Variants in GALNT14 observed in about 807,000 individuals in gnomAD.
GALNT14 encodes the protein UDP-GalNAc:polypeptide N-acetylgalactosaminyltransferase 14.
A neutral mutation model predicts 77.5 loss-of-function variants in GALNT14; 60 were observed. The observed-to-expected ratio is 0.77, with a 90% CI of 0.63 to 0.96. The LOEUF is 0.96. Among genes scored for constraint, GALNT14 ranks in the 40% least tolerant of loss-of-function variants. The pLI, the probability that GALNT14 is intolerant of heterozygous loss-of-function variation, is 0.00. For missense variants in GALNT14, 710 were observed against 731.0 expected, an observed-to-expected ratio of 0.97 and a Z score of 0.33; for synonymous variants, 280 against 281.7, an observed-to-expected ratio of 0.99 and a Z score of 0.06.
chr2:30,894,575 A>G, the GALNT14 span, among the ~76,000 whole-genome samples: 4 of 152,198 alleles, frequency 2.6e-5, no homozygotes, highest in African/African-American at 9.7e-5. Context: ...CTTGTTTTAT[A>G]ATGGAGAATT....
chr2:30,891,802 A>G, the GALNT14 span, among the ~76,000 whole-genome samples: 1 of 152,108 alleles, frequency 6.6e-6, no homozygotes, highest in East Asian at 1.9e-4. Flanking sequence ...ATGAGGGTAG[A>G]GCACAGTGAG....
At chr2:31,043,626 C>G (rs941364823) in intron 1 of GALNT14, among the ~76,000 whole-genome samples, 4 of 151,818 alleles carry the variant, frequency 2.6e-5, no homozygotes, top group African/African-American at 9.7e-5. Context: ...TCTCTAGGAT[C>G]CTCCATATTA....
chr2:31,021,851 T>A (rs934584626), intron 1 of GALNT14, among the ~76,000 whole-genome samples: 1 of 152,220 alleles, frequency 6.6e-6, no homozygotes, highest in Admixed American at 6.5e-5. Flanking sequence ...AAGTTAAACA[T>A]GCATTCTGTC....
intron 1 of GALNT14, among the ~76,000 whole-genome samples, chr2:31,088,390 C>T (rs866988314): frequency 3.5e-4 from 54 of 152,124 alleles, no homozygotes; most frequent in Non-Finnish European, 3.5e-4. Flanking sequence ...TTAAGTTTGG[C>T]CAATGGGATG....
intron 1 of GALNT14, among the ~76,000 whole-genome samples, chr2:31,107,028 T>C (rs1319750546): frequency 6.6e-6 from 1 of 152,212 alleles, no homozygotes; most frequent in Admixed American, 6.5e-5. Context: ...TACACAAAAG[T>C]TTATCAAACT....
chr2:30,959,762 A>T (rs556164350), intron 3 of GALNT14, among the ~76,000 whole-genome samples: 2 of 152,148 alleles, frequency 1.3e-5, no homozygotes, highest in African/African-American at 4.8e-5. Context: ...GTGGATCTCT[A>T]TCCAGGGGCA....
intron 1 of GALNT14, among the ~76,000 whole-genome samples, chr2:31,077,545 C>A (rs999441256): frequency 6.6e-6 from 1 of 152,172 alleles, no homozygotes; most frequent in Non-Finnish European, 1.5e-5. Flanking sequence ...CTAGTCTCAT[C>A]TGATAAGTCT....
At chr2:31,070,781 T>C (rs1200570474) in intron 1 of GALNT14, among the ~76,000 whole-genome samples, 2 of 152,170 alleles carry the variant, frequency 1.3e-5, no homozygotes, top group Non-Finnish European at 2.9e-5. Flanking sequence ...AATTGCAAAC[T>C]GGAAAATTTG....
At chr2:30,985,322 C>A (rs1669230488) in intron 2 of GALNT14, among the ~76,000 whole-genome samples, 1 of 152,166 alleles carries the variant, frequency 6.6e-6, no homozygotes, top group South Asian at 2.1e-4. Context: ...TTCGGGAAAT[C>A]TCCCTGAAAC....
chr2:30,969,751 C>A (rs1280242396), intron 2 of GALNT14, among the ~76,000 whole-genome samples: 1 of 152,160 alleles, frequency 6.6e-6, no homozygotes, highest in Non-Finnish European at 1.5e-5. Context: ...ATACCACTGA[C>A]CAGCTGTGGG....
intron 6 of GALNT14, among the ~76,000 whole-genome samples, chr2:30,955,409 C>T (rs1371528303): frequency 6.6e-6 from 1 of 152,198 alleles, no homozygotes; most frequent in Non-Finnish European, 1.5e-5. Flanking sequence ...AGTCACAACA[C>T]ATCCCGGTCC....
intron 1 of GALNT14, among the ~76,000 whole-genome samples, chr2:31,107,834 G>T (rs187634300): frequency 4.6e-5 from 7 of 152,274 alleles, no homozygotes; most frequent in African/African-American, 1.4e-4. Flanking sequence ...TGGTGCTGAT[G>T]ATTTCACCTC....
At chr2:30,945,938 T>C (rs1050517839) in intron 6 of GALNT14, 68 bp from the exon 7 acceptor site, 5 of 1,345,710 alleles carry the variant, frequency 3.7e-6, no homozygotes, top group African/African-American at 1.4e-5. Context: ...GAGCTTGGGA[T>C]GGCCTCGTGA....
chr2:31,076,280 C>T (rs535532408), intron 1 of GALNT14, among the ~76,000 whole-genome samples: 20 of 152,308 alleles, frequency 1.3e-4, no homozygotes, highest in Middle Eastern at 3.4e-3. Flanking sequence ...GACTCATATT[C>T]TCTGTACGAA....
chr2:30,904,673 A>C, the GALNT14 span, among the ~76,000 whole-genome samples: 11 of 152,242 alleles, frequency 7.2e-5, no homozygotes, highest in Middle Eastern at 3.2e-3. Flanking sequence ...TAGGTAAACA[A>C]AGCAGCCAGG....
In GALNT14 at chr2:31,088,244, G is replaced by A. The variant is rs373887410; in HGVS notation, c.129+49714C>T. 1.2e-4 allele frequency among the ~76,000 whole-genome samples: 18 copies of A among 152,284 alleles called. No individual in the cohort carries two copies. In the East Asian group the frequency reaches 2.9e-3, roughly 24 times the overall value. On this transcript the variant is annotated intron_variant, in intron 1 of 14. Transcript: ENST00000349752. ...ATGGGGACATGATGTGTTGGCAACCGCTTCTAGAAGTCTGGCTATCAAGAG... is the reference window on the plus strand; with the variant it reads ...ATGGGGACATGATGTGTTGGCAACCACTTCTAGAAGTCTGGCTATCAAGAG...
At chr2:30,949,159 G>A (rs779418957) in intron 6 of GALNT14, among the ~76,000 whole-genome samples, 9 of 152,140 alleles carry the variant, frequency 5.9e-5, no homozygotes, top group South Asian at 2.1e-4. Context: ...GTCAGGACAC[G>A]ACCTCTCTGA....
At chr2:31,069,951 C>T (rs17010651) in intron 1 of GALNT14, among the ~76,000 whole-genome samples, 12,560 of 152,188 alleles carry the variant, frequency 0.083, 651 homozygotes, top group African/African-American at 0.15. Flanking sequence ...TGCATCAAAG[C>T]TGGCCTGGAC....
the GALNT14 span, among the ~76,000 whole-genome samples, chr2:30,903,568 C>G: frequency 6.6e-6 from 1 of 152,234 alleles, no homozygotes; most frequent in African/African-American, 2.4e-5. Context: ...CTGCGAGGAA[C>G]CAAATCCTGC....
Sources: gnomAD v4.1 joint callset for allele counts (sites outside exome capture counted in the v4.1 genomes callset) on GRCh38, gnomAD v4.1.1 for gene constraint, MANE v1.5 for transcripts, NCBI Gene and HGNC (gene_info 2026-07-23, HGNC 2026-07-21) for gene names.